The following CHD9 variants were observed in gnomAD, a reference collection of about 807,000 sequenced individuals.
The protein encoded by CHD9 is ATP-dependent chromatin remodeler CHD9.
Under a neutral mutation model 316.1 loss-of-function variants are expected in CHD9, and 77 were observed. That is an observed-to-expected ratio of 0.24 (90% CI 0.20 to 0.29). CHD9 has a LOEUF of 0.29. Among genes scored for constraint, CHD9 ranks in the 10% least tolerant of loss-of-function variants. The probability of loss-of-function intolerance (pLI) is 1.00; values close to 1 mark genes in which losing one functional copy is unlikely to be tolerated. For missense variants in CHD9, 2,763 were observed against 3,438.1 expected (o/e 0.80, Z 4.91); for synonymous variants, 1,129 against 1,158.3 (o/e 0.97, Z 0.51).
At chr16:53,184,534 G>A (rs545086703) in intron 2 of CHD9, among the ~76,000 whole-genome samples, 1 of 152,106 alleles carries the variant, frequency 6.6e-6, no homozygotes, top group South Asian at 2.1e-4. Context: ...TTGTAGACAT[G>A]GGGTTTCACC....
Position 53,307,850 on chromosome 16 carries a change from C to T in CHD9, c.6950C>T (p.Thr2317Ile). ...GAATACAGCGATCCCAGTGTACCCA[C>T]TCCCCCAGGTGCCGGTGTTAAAGAA... ...ATEYSDPSVPTPPGAGVKEEH... is the reference protein window; with the variant it reads ...ATEYSDPSVPIPPGAGVKEEH... The change falls in exon 33 of 39, where the codon ACT becomes ATT. Residue 2317 changes from threonine (T) to isoleucine (I), a missense_variant. By Grantham distance (89) the Thr-to-Ile change is moderately conservative. Transcript: ENST00000447540. 6.2e-7 allele frequency: 1 copy of T among 1,613,860 alleles called. No homozygotes were observed.
At chr16:53,267,126 A>G (rs1212295969) in intron 20 of CHD9, among the ~76,000 whole-genome samples, 168 bp from the exon 21 acceptor site, 1 of 152,184 alleles carries the variant, frequency 6.6e-6, no homozygotes, top group Non-Finnish European at 1.5e-5. Flanking sequence ...TAAGAATTCT[A>G]AAGGAATATA....
chr16:53,321,282 T>C, intron 37 of CHD9: 7 of 1,349,540 alleles, frequency 5.2e-6, no homozygotes, highest in Non-Finnish European at 6.7e-6. Flanking sequence ...ATGGTAGTTA[T>C]TCATTTTACT....
intron 1 of CHD9, among the ~76,000 whole-genome samples, chr16:53,103,175 AG>A (rs1257799886): frequency 7.1e-6 from 1 of 141,706 alleles, no homozygotes; most frequent in Non-Finnish European, 1.5e-5. Flanking sequence ...AAAAAAAAAA[AG>A]GTAGATTTTA....
rs2039854930 is a variant in CHD9 at position 53,138,127 on chromosome 16, TA to T, written c.-164-17798del. Among the ~76,000 whole-genome samples the T allele has an allele frequency of 2.6e-5, 4 of 152,166 alleles. No individual in the cohort carries two copies. The South Asian group carries it at 8.3e-4, about 32-fold the overall frequency. ...TTCCCAGGGCTACTGATAGGGGATA[TA>T]CATCGTTAAGTAGAGACTTAAGCTA... On this transcript the variant is annotated intron_variant, in intron 1 of 38. Transcript: ENST00000447540.
chr16:53,314,579 A>ATATT, intron 35 of CHD9, 63 bp downstream of exon 35: 1 of 1,299,768 alleles, frequency 7.7e-7, no homozygotes, highest in Non-Finnish European at 1.0e-6. Flanking sequence ...ATAAATATAC[A>ATATT]TATTATTGTT....
intron 12 of CHD9, among the ~76,000 whole-genome samples, chr16:53,240,130 G>T (rs950897778): frequency 1.8e-4 from 27 of 152,080 alleles, no homozygotes; most frequent in African/African-American, 6.3e-4. Flanking sequence ...GCCCAGGCTG[G>T]TCTCGAACTC....
chr16:53,144,922 G>A (rs1357810100), intron 1 of CHD9, among the ~76,000 whole-genome samples: 1 of 150,012 alleles, frequency 6.7e-6, no homozygotes, highest in Admixed American at 6.7e-5. Flanking sequence ...AGTACAGGAA[G>A]TCAAGGCTGC....
intron 1 of CHD9, among the ~76,000 whole-genome samples, chr16:53,118,793 C>CTTTTT (rs565529283): frequency 1.6e-5 from 2 of 127,156 alleles, no homozygotes; most frequent in South Asian, 2.5e-4. Context: ...AGATAACTTT[C>CTTTTT]TTTTTTTTTT....
At chr16:53,319,958 A>AAGTATATT in intron 37 of CHD9, 4 of 555,258 alleles carry the variant, frequency 7.2e-6, no homozygotes, top group Non-Finnish European at 9.7e-6. Flanking sequence ...CTAAGTAAAT[A>AAGTATATT]TACTTATTTC....
At chr16:53,179,470 G>A (rs1424754393) in intron 2 of CHD9, among the ~76,000 whole-genome samples, 1 of 151,504 alleles carries the variant, frequency 6.6e-6, no homozygotes, top group Admixed American at 6.6e-5. Context: ...ATGTCCCTCT[G>A]CATCATCTTA....
At chr16:53,079,030 A>G (rs533738439) in intron 1 of CHD9, among the ~76,000 whole-genome samples, 19 of 152,292 alleles carry the variant, frequency 1.2e-4, no homozygotes, top group African/African-American at 4.6e-4. Context: ...AGCTCCTGGG[A>G]AGCATAAATC....
chr16:53,172,656 C>G (rs1375186864), intron 2 of CHD9, among the ~76,000 whole-genome samples: 3 of 152,158 alleles, frequency 2.0e-5, no homozygotes, highest in African/African-American at 4.8e-5. Context: ...GTTCCGTTCG[C>G]TCCACATCGT....
chr16:53,131,490 C>CCGCCCCGCGCCT (rs2039305858), intron 1 of CHD9, among the ~76,000 whole-genome samples: 1 of 148,956 alleles, frequency 6.7e-6, no homozygotes, highest in African/African-American at 2.4e-5. Flanking sequence ...CGCCCGCGGC[C>CCGCCCCGCGCCT]CGCCCCGCGC....
intron 1 of CHD9, among the ~76,000 whole-genome samples, chr16:53,154,675 G>A (rs1214824987): frequency 2.0e-5 from 3 of 152,102 alleles, no homozygotes; most frequent in African/African-American, 7.2e-5. Context: ...GATAGGGTTC[G>A]GGCTGCTATG....
At chr16:53,319,693 C>A in intron 37 of CHD9, 1 of 343,490 alleles carries the variant, frequency 2.9e-6, no homozygotes, top group Non-Finnish European at 4.7e-6. Context: ...GAATTTTTAC[C>A]TGTTGGGTTT....
rs188549716 is a variant in CHD9, at chr16:53,072,788, G to A, written c.-165+17711G>A. 1.0e-3 allele frequency among the ~76,000 whole-genome samples: 153 copies of A among 151,806 alleles called. 1 individual carries two copies. Among genetic ancestry groups the A allele is most frequent in the African/African-American group, 3.4e-3 (142 of 41,412 alleles). Reference sequence around the variant, plus strand: ...TGGCTCACTGCAAACTCCACCTCCCGGGTTCAAGCAATTCTCCTGCCTCAG... The same window carrying A: ...TGGCTCACTGCAAACTCCACCTCCCAGGTTCAAGCAATTCTCCTGCCTCAG... On this transcript the variant is annotated intron_variant, in intron 1 of 38. Coordinates refer to ENST00000447540, the MANE Select transcript of CHD9 (RefSeq NM_001308319.2).
chr16:53,254,615 G>C lies in CHD9; in HGVS notation c.4029+10G>C, dbSNP rs2050417799. The stretch of plus-strand genomic sequence containing the variant: ...AAGTAATGTTGGTGGTGTATGTATA[G>C]TTTCTTTTTCACTTGAGATTTTTGT... On this transcript the variant is annotated intron_variant, in intron 18 of 38. Coordinates refer to ENST00000447540, the MANE Select transcript of CHD9 (RefSeq NM_001308319.2). 1 of 1,568,090 alleles carries C rather than the reference G, an allele frequency of 6.4e-7. No individual in the cohort carries two copies. Among genetic ancestry groups the C allele is most frequent in the Admixed American group, 1.8e-5 (1 of 55,468 alleles).
chr16:53,179,896 C>CA lies in CHD9; in HGVS notation c.1452+22369dup, dbSNP rs201107556. On this transcript the variant is annotated intron_variant, in intron 2 of 38. Coordinates refer to ENST00000447540, the MANE Select transcript of CHD9 (RefSeq NM_001308319.2). ...TGGGCGACGGAGTGAGACTTCATCT[C>CA]AAAAAAAAAAAAAATAGTAATTAAG... 6.6e-3 allele frequency among the ~76,000 whole-genome samples: 745 copies of CA among 113,112 alleles called. 3 individuals are homozygous for CA. Among genetic ancestry groups the CA allele is most frequent in the African/African-American group, 0.012 (405 of 32,796 alleles). The allele number at this position is 113,112 out of a possible 152,430, so 74.2% of individuals were successfully genotyped here. A position where few individuals can be genotyped will look rare whatever the true frequency, so the allele number is the denominator to read the frequency against.
Sources: gnomAD v4.1 joint callset for allele counts (sites outside exome capture counted in the v4.1 genomes callset) on GRCh38, gnomAD v4.1.1 for gene constraint, MANE v1.5 for transcripts, NCBI Gene and HGNC (gene_info 2026-07-23, HGNC 2026-07-21) for gene names.